MAP4K4: variants seen among roughly 807,000 people sequenced by gnomAD.
MAP4K4 encodes HPK/GCK-like kinase HGK.
Under a neutral mutation model 189.6 loss-of-function variants are expected in MAP4K4, and 38 were observed. That is an observed-to-expected ratio of 0.20 (90% CI 0.15 to 0.26). The LOEUF is 0.26. Among genes scored for constraint, MAP4K4 ranks in the 10% least tolerant of loss-of-function variants. MAP4K4 has a pLI of 1.00. For synonymous variants in MAP4K4, 610 were observed against 624.3 expected (o/e 0.98, Z 0.34); for missense variants, 1,054 against 1,726.9 (o/e 0.61, Z 6.91).
intron 27 of MAP4K4, among the ~76,000 whole-genome samples, chr2:101,880,816 A>G (rs1248624934): frequency 2.6e-5 from 4 of 152,028 alleles, no homozygotes; most frequent in Non-Finnish European, 4.4e-5. Context: ...GTATAGTTCT[A>G]TTTCTGGGCT....
At chr2:101,815,351 A>G (rs899955501) in intron 3 of MAP4K4, among the ~76,000 whole-genome samples, 1 of 152,200 alleles carries the variant, frequency 6.6e-6, no homozygotes, top group Non-Finnish European at 1.5e-5. Context: ...GTTCTAATTT[A>G]ATGGACCATA....
At chr2:101,767,225 A>T (rs574182215) in intron 2 of MAP4K4, among the ~76,000 whole-genome samples, 1 of 152,196 alleles carries the variant, frequency 6.6e-6, no homozygotes, top group African/African-American at 2.4e-5. Context: ...AAGTGACTCA[A>T]TCTGGTGAGA....
intron 2 of MAP4K4, among the ~76,000 whole-genome samples, chr2:101,734,382 G>T (rs2059603871): frequency 6.6e-6 from 1 of 152,092 alleles, no homozygotes; most frequent in African/African-American, 2.4e-5. Flanking sequence ...TAAATCCAAG[G>T]CACATAATTA....
intron 6 of MAP4K4, 189 bp downstream of exon 6, chr2:101,829,783 C>G: frequency 1.9e-6 from 1 of 522,050 alleles, no homozygotes; most frequent in South Asian, 2.2e-5. Flanking sequence ...ATGTTTGTGC[C>G]CCCCTGCCCC....
chr2:101,743,453 C>T (rs964554932), intron 2 of MAP4K4, among the ~76,000 whole-genome samples: 3 of 151,888 alleles, frequency 2.0e-5, no homozygotes, highest in Admixed American at 6.5e-5. Context: ...CTGTCAGTAA[C>T]AGCCATCCTT....
chr2:101,721,340 G>C (rs750075827), intron 2 of MAP4K4, among the ~76,000 whole-genome samples: 1 of 151,442 alleles, frequency 6.6e-6, no homozygotes, highest in Non-Finnish European at 1.5e-5. Context: ...GAGATTGCCC[G>C]TTTTGTAAAG....
At chr2:101,764,916 A>C (rs1165404853) in intron 2 of MAP4K4, among the ~76,000 whole-genome samples, 3 of 152,202 alleles carry the variant, frequency 2.0e-5, no homozygotes, top group African/African-American at 7.2e-5. Context: ...TAAGTGATGA[A>C]ATTTATGAGC....
intron 16 of MAP4K4, among the ~76,000 whole-genome samples, chr2:101,862,412 G>C (rs1191748659): frequency 6.6e-6 from 1 of 151,834 alleles, no homozygotes; most frequent in Non-Finnish European, 1.5e-5. Flanking sequence ...AGCAGGAGAG[G>C]GTAACTGGAC....
intron 2 of MAP4K4, among the ~76,000 whole-genome samples, chr2:101,779,986 T>C (rs534135201): frequency 3.7e-4 from 57 of 152,308 alleles, no homozygotes; most frequent in African/African-American, 1.4e-3. Context: ...TGCTACTGGC[T>C]GCAACACAAC....
chr2:101,727,253 A>G (rs1470105625), intron 2 of MAP4K4, among the ~76,000 whole-genome samples: 3 of 151,548 alleles, frequency 2.0e-5, no homozygotes, highest in Non-Finnish European at 4.4e-5. Context: ...TAGAAATGCA[A>G]ACAGTGAAAA....
intron 2 of MAP4K4, among the ~76,000 whole-genome samples, chr2:101,742,812 G>A (rs2063454699): frequency 2.0e-5 from 3 of 152,130 alleles, no homozygotes; most frequent in African/African-American, 7.2e-5. Flanking sequence ...AGAGTAATGA[G>A]TTATTAATAT....
chr2:101,705,831 G>T (rs1033688967), intron 2 of MAP4K4, among the ~76,000 whole-genome samples: 2 of 152,160 alleles, frequency 1.3e-5, no homozygotes, highest in African/African-American at 4.8e-5. Flanking sequence ...GAGGACTGTT[G>T]TTTGTGCCTA....
chr2:101,697,719 C>CTT (rs1267929605), exon 1 of MAP4K4: 1 of 140,738 alleles, frequency 7.1e-6, no homozygotes, highest in East Asian at 2.2e-4. Context: ...TCGCTCAACT[C>CTT]GGCGCCGCCG....
intron 2 of MAP4K4, among the ~76,000 whole-genome samples, chr2:101,715,011 C>G (rs1231618061): frequency 6.6e-6 from 1 of 152,170 alleles, no homozygotes; most frequent in Non-Finnish European, 1.5e-5. Flanking sequence ...ATGGGAACTC[C>G]ATACCTGCAT....
chr2:101,869,097 T>C (rs1356120878), intron 21 of MAP4K4, among the ~76,000 whole-genome samples: 2 of 151,926 alleles, frequency 1.3e-5, no homozygotes, highest in African/African-American at 4.8e-5. Context: ...ATTACTAAAA[T>C]TTCATAAATA....
intron 2 of MAP4K4, among the ~76,000 whole-genome samples, chr2:101,775,010 A>G (rs1324395826): frequency 2.0e-5 from 3 of 149,870 alleles, no homozygotes; most frequent in South Asian, 2.1e-4. Flanking sequence ...CAATCTCACA[A>G]AAACCTAGGG....
At chr2:101,800,357 C>G (rs1314449020) in intron 3 of MAP4K4, among the ~76,000 whole-genome samples, 1 of 152,154 alleles carries the variant, frequency 6.6e-6, no homozygotes, top group Non-Finnish European at 1.5e-5. Flanking sequence ...CTTGGCTTCC[C>G]AAAGTGGTGG....
At chr2:101,702,285 A>G (rs769174835) in intron 2 of MAP4K4, among the ~76,000 whole-genome samples, 1 of 151,958 alleles carries the variant, frequency 6.6e-6, no homozygotes, top group African/African-American at 2.4e-5. Context: ...AAGATTGTCA[A>G]CCGGACGCGG....
chr2:101,835,633 C>T (rs2096727911), intron 8 of MAP4K4, among the ~76,000 whole-genome samples: 1 of 152,164 alleles, frequency 6.6e-6, no homozygotes, highest in Non-Finnish European at 1.5e-5. Context: ...GTGTTAGTTC[C>T]TATAAGACTT....
Sources: allele counts gnomAD v4.1 joint callset (sites outside exome capture counted in the v4.1 genomes callset), GRCh38; gene constraint gnomAD v4.1.1; transcripts MANE v1.5; gene names NCBI Gene and HGNC (gene_info 2026-07-23, HGNC 2026-07-21).